Variants in SEMA5A observed in about 807,000 individuals in gnomAD.
SEMA5A encodes semaphorin-5A.
SEMA5A carries 55 observed loss-of-function variants against 135.5 expected under a neutral mutation model. The observed-to-expected ratio is 0.41, with a 90% CI of 0.33 to 0.51. SEMA5A has a LOEUF of 0.51. Among genes scored for constraint, SEMA5A ranks in the 20% least tolerant of loss-of-function variants. SEMA5A has a pLI of 0.37. For synonymous variants in SEMA5A, 580 were observed against 546.5 expected (o/e 1.06, Z -0.85); for missense variants, 1,290 against 1,419.9 (o/e 0.91, Z 1.47).
chr5:9,123,874 G>C (rs916442766), intron 13 of SEMA5A, among the ~76,000 whole-genome samples: 1 of 152,122 alleles, frequency 6.6e-6, no homozygotes, highest in South Asian at 2.1e-4. Context: ...AGAATCCGAC[G>C]ATGGATTCAC....
Position 9,204,359 on chromosome 5 carries a change from G to C in SEMA5A, c.647-2119C>G, listed in dbSNP as rs1033752991. On this transcript the variant is annotated intron_variant, in intron 8 of 22. Transcript: ENST00000382496. The surrounding 1 kb of genome is among the most constrained non-coding windows in gnomAD (Gnocchi z 6.4). ...AATACACTCACTATTACCCACTTCT[G>C]CTATTAACTTGGGGACAAATGGCAT... Among the ~76,000 whole-genome samples the C allele has an allele frequency of 6.6e-6, 1 of 152,132 alleles. No individual in the cohort carries two copies. Among genetic ancestry groups the C allele is most frequent in the African/African-American group, 2.4e-5 (1 of 41,448 alleles).
intron 1 of SEMA5A, among the ~76,000 whole-genome samples, chr5:9,492,627 T>G (rs1735080816): frequency 1.3e-5 from 2 of 152,204 alleles, no homozygotes; most frequent in African/African-American, 4.8e-5. Flanking sequence ...TTACTTTCCA[T>G]TTTTACATAA....
At chr5:9,272,335 T>C (rs1252653682) in intron 5 of SEMA5A, among the ~76,000 whole-genome samples, 1 of 152,124 alleles carries the variant, frequency 6.6e-6, no homozygotes, top group Non-Finnish European at 1.5e-5. Flanking sequence ...GGGCAGGGCA[T>C]CTCTGAAAAA....
At chr5:9,110,617 G>T (rs189695931) in intron 15 of SEMA5A, among the ~76,000 whole-genome samples, 1 of 152,328 alleles carries the variant, frequency 6.6e-6, no homozygotes, top group Non-Finnish European at 1.5e-5. Flanking sequence ...AAAGTGGAAG[G>T]CAGAAGACAC....
intron 1 of SEMA5A, among the ~76,000 whole-genome samples, chr5:9,481,742 CA>C (rs1409150800): frequency 6.6e-6 from 1 of 152,072 alleles, no homozygotes; most frequent in Non-Finnish European, 1.5e-5. Flanking sequence ...TGAGGCTTCA[CA>C]AAAAGTCAGA....
At chr5:9,168,735 G>T (rs180744791) in intron 11 of SEMA5A, among the ~76,000 whole-genome samples, 9 of 152,262 alleles carry the variant, frequency 5.9e-5, no homozygotes. Context: ...TCTGAGGCTC[G>T]CAGAGGCTTC....
At chr5:9,346,519 G>A (rs540101913) in intron 3 of SEMA5A, among the ~76,000 whole-genome samples, 2 of 152,158 alleles carry the variant, frequency 1.3e-5, no homozygotes, top group Non-Finnish European at 2.9e-5. Flanking sequence ...GGGGTTTCAG[G>A]GGTCACAGGT....
chr5:9,456,375 G>A (rs780400919), intron 1 of SEMA5A, among the ~76,000 whole-genome samples: 5 of 152,232 alleles, frequency 3.3e-5, no homozygotes, highest in Non-Finnish European at 7.3e-5. Flanking sequence ...CCAAGGAAGA[G>A]GAAGGAGGTT....
chr5:9,343,461 C>T (rs1039190218), intron 3 of SEMA5A, among the ~76,000 whole-genome samples: 3 of 152,010 alleles, frequency 2.0e-5, no homozygotes, highest in African/African-American at 7.2e-5. Context: ...GTGAGCAGCA[C>T]AGGAAAAGAA....
chr5:9,297,019 A>G (rs2150599280), intron 5 of SEMA5A, among the ~76,000 whole-genome samples: 1 of 152,192 alleles, frequency 6.6e-6, no homozygotes. Flanking sequence ...AAAAAGGTGC[A>G]GCTAAAGCTC....
intron 2 of SEMA5A, among the ~76,000 whole-genome samples, chr5:9,398,000 T>G (rs1363762517): frequency 6.6e-6 from 1 of 152,206 alleles, no homozygotes; most frequent in Non-Finnish European, 1.5e-5. Flanking sequence ...GGTGCTCTTC[T>G]GATAGGAAGA....
chr5:9,454,441 C>T (rs1758757570), intron 1 of SEMA5A, among the ~76,000 whole-genome samples: 1 of 152,158 alleles, frequency 6.6e-6, no homozygotes, highest in African/African-American at 2.4e-5. Context: ...ACAAGTTGTC[C>T]CTTTGATATA....
At chr5:9,511,553 G>A (rs1286074178) in intron 1 of SEMA5A, 1 of 152,156 alleles carries the variant, frequency 6.6e-6, no homozygotes, top group Non-Finnish European at 1.5e-5. Context: ...AGCTCTTTCA[G>A]AAGACCTCTG....
intron 1 of SEMA5A, among the ~76,000 whole-genome samples, chr5:9,439,343 T>G (rs529414255): frequency 6.6e-6 from 1 of 152,352 alleles, no homozygotes; most frequent in South Asian, 2.1e-4. Flanking sequence ...ATGGCATGTT[T>G]GAATACACAA....
intron 2 of SEMA5A, among the ~76,000 whole-genome samples, chr5:9,419,155 C>T (rs1364043360): frequency 1.3e-5 from 2 of 151,900 alleles, no homozygotes; most frequent in East Asian, 3.9e-4. Context: ...GTAAGTTGTT[C>T]AATTTCCATG....
At chr5:9,366,392 CT>C (rs571166909) in intron 3 of SEMA5A, among the ~76,000 whole-genome samples, 9,632 of 141,636 alleles carry the variant, frequency 0.068, 278 homozygotes, top group African/African-American at 0.089. Context: ...ATAAAGAATT[CT>C]TTTTTTTTTT....
intron 1 of SEMA5A, among the ~76,000 whole-genome samples, chr5:9,504,224 G>A (rs2892342): frequency 0.88 from 91,844 of 104,294 alleles, 40,131 homozygotes; most frequent in Non-Finnish European, 0.93. Context: ...AAAAAAAAAA[G>A]AAAAAAAAAA....
At chr5:9,433,622 C>T (rs887878623) in intron 2 of SEMA5A, among the ~76,000 whole-genome samples, 2 of 140,760 alleles carry the variant, frequency 1.4e-5, no homozygotes, top group Admixed American at 7.0e-5. Flanking sequence ...CCTCCTTTCT[C>T]TCTTTCTCTC....
At chr5:9,457,744 G>T (rs1001665990) in intron 1 of SEMA5A, among the ~76,000 whole-genome samples, 1 of 151,908 alleles carries the variant, frequency 6.6e-6, no homozygotes, top group Non-Finnish European at 1.5e-5. Flanking sequence ...TATTAGGAAG[G>T]TTTTTTTCCT....
Sources: allele counts gnomAD v4.1 joint callset (sites outside exome capture counted in the v4.1 genomes callset), GRCh38; gene constraint gnomAD v4.1.1; non-coding constraint Gnocchi (gnomAD v3.1); transcripts MANE v1.5; gene names NCBI Gene and HGNC (gene_info 2026-07-23, HGNC 2026-07-21).